ZNRF1: variants seen among roughly 807,000 people sequenced by gnomAD.
The protein encoded by ZNRF1 is zinc and ring finger 1, also known as E3 ubiquitin-protein ligase ZNRF1.
In ZNRF1, 3 loss-of-function variants were observed where a neutral mutation model predicts 18.4. The observed-to-expected ratio is 0.16, with a 90% confidence interval of 0.07 to 0.42. The LOEUF is 0.42. Among genes scored for constraint, ZNRF1 ranks in the 10% least tolerant of loss-of-function variants. ZNRF1 has a pLI of 0.99. For missense variants in ZNRF1, 310 were observed against 329.8 expected, an observed-to-expected ratio of 0.94 and a Z score of 0.47; for synonymous variants, 157 against 144.2, an observed-to-expected ratio of 1.09 and a Z score of -0.64.
chr16:75,027,688 C>G (rs910119111), intron 1 of ZNRF1, among the ~76,000 whole-genome samples: 1 of 152,162 alleles, frequency 6.6e-6, no homozygotes, highest in African/African-American at 2.4e-5. Flanking sequence ...TTTGCCTTGT[C>G]ACACTTGCTT....
intron 1 of ZNRF1, among the ~76,000 whole-genome samples, chr16:75,067,774 A>G (rs2035823266): frequency 6.6e-6 from 1 of 152,204 alleles, no homozygotes; most frequent in African/African-American, 2.4e-5. Flanking sequence ...CATTAACTGG[A>G]TCTGCACAGA....
intron 1 of ZNRF1, among the ~76,000 whole-genome samples, chr16:75,032,188 C>T (rs1328453757): frequency 2.8e-5 from 4 of 143,098 alleles, no homozygotes; most frequent in Non-Finnish European, 6.0e-5. Flanking sequence ...CAGCTTACTA[C>T]ACCCTCCGTC....
intron 1 of ZNRF1, among the ~76,000 whole-genome samples, chr16:75,057,180 C>A (rs117601275): frequency 6.6e-6 from 1 of 152,180 alleles, no homozygotes; most frequent in Non-Finnish European, 1.5e-5. Flanking sequence ...CCCACCCTGC[C>A]GTCCTGCTGC....
chr16:75,083,402 A>C (rs1440253429), intron 1 of ZNRF1, among the ~76,000 whole-genome samples: 2 of 152,232 alleles, frequency 1.3e-5, no homozygotes, highest in Non-Finnish European at 2.9e-5. Flanking sequence ...TCTGATGCCT[A>C]GTCTGATTCT....
At chr16:75,070,150 G>T (rs1031063641) in intron 1 of ZNRF1, among the ~76,000 whole-genome samples, 1 of 152,278 alleles carries the variant, frequency 6.6e-6, no homozygotes, top group African/African-American at 2.4e-5. Context: ...GGGTTGACCA[G>T]ATGTCCCTTC....
chr16:75,091,155 T>TCAA (rs2036133910), intron 1 of ZNRF1, among the ~76,000 whole-genome samples: 2 of 152,146 alleles, frequency 1.3e-5, no homozygotes, highest in East Asian at 1.9e-4. Flanking sequence ...GGTCAGGCAT[T>TCAA]TGAGACCAGT....
intron 2 of ZNRF1, chr16:75,095,092 T>C (rs1172971505): frequency 6.5e-6 from 1 of 152,734 alleles, no homozygotes; most frequent in Non-Finnish European, 1.5e-5. Flanking sequence ...AACTGACTAA[T>C]GGCGTCCACT....
chr16:75,012,221 C>T (rs767274266), intron 1 of ZNRF1, among the ~76,000 whole-genome samples: 2 of 152,214 alleles, frequency 1.3e-5, no homozygotes, highest in South Asian at 2.1e-4. Flanking sequence ...AGCCTGTGCT[C>T]AGTGAATTGC....
intron 1 of ZNRF1, among the ~76,000 whole-genome samples, chr16:75,054,481 C>T (rs1298284613): frequency 6.6e-6 from 1 of 152,168 alleles, no homozygotes; most frequent in African/African-American, 2.4e-5. Context: ...ATTCTCTGGG[C>T]AGATTTCTCC....
At chr16:75,093,088 A>G (rs914918728) in intron 1 of ZNRF1, among the ~76,000 whole-genome samples, 1 of 152,180 alleles carries the variant, frequency 6.6e-6, no homozygotes, top group African/African-American at 2.4e-5. Context: ...AAAGGCTGCA[A>G]TAAAAGGCAA....
At chr16:75,088,354 G>A (rs2036098187) in intron 1 of ZNRF1, among the ~76,000 whole-genome samples, 1 of 152,064 alleles carries the variant, frequency 6.6e-6, no homozygotes, top group African/African-American at 2.4e-5. Context: ...CATTTAAAAG[G>A]TCATCTGCAG....
chr16:75,039,913 T>G (rs8045908), intron 1 of ZNRF1, among the ~76,000 whole-genome samples: 61,590 of 152,016 alleles, frequency 0.41, 15,033 homozygotes, highest in Non-Finnish European at 0.55. Context: ...GGATATTGGT[T>G]GTTACTGTTT....
chr16:75,064,132 C>G (rs1276579344), intron 1 of ZNRF1, among the ~76,000 whole-genome samples: 1 of 151,736 alleles, frequency 6.6e-6, no homozygotes, highest in East Asian at 1.9e-4. Context: ...AACCCCATCT[C>G]TACCAAAAAT....
intron 1 of ZNRF1, among the ~76,000 whole-genome samples, chr16:75,012,582 C>T (rs2035013058): frequency 6.6e-6 from 1 of 152,274 alleles, no homozygotes; most frequent in African/African-American, 2.4e-5. Context: ...CCCAGTCAGC[C>T]TCCTTGTGGC....
chr16:75,085,864 T>C (rs1442398430), intron 1 of ZNRF1, among the ~76,000 whole-genome samples: 2 of 148,476 alleles, frequency 1.3e-5, no homozygotes, highest in African/African-American at 5.2e-5. Context: ...TATAAGAAAC[T>C]GGCTTACATG....
intron 1 of ZNRF1, among the ~76,000 whole-genome samples, chr16:75,001,512 A>T (rs1002625256): frequency 6.6e-6 from 1 of 152,194 alleles, no homozygotes; most frequent in East Asian, 1.9e-4. Flanking sequence ...GCAGGACATG[A>T]TTGCCTTTGG....
intron 2 of ZNRF1, among the ~76,000 whole-genome samples, chr16:75,096,664 T>G (rs2036203790): frequency 6.6e-6 from 1 of 152,216 alleles, no homozygotes; most frequent in South Asian, 2.1e-4. Context: ...TTTCTGTGGT[T>G]GTTGGCACCA....
intron 1 of ZNRF1, among the ~76,000 whole-genome samples, chr16:75,013,641 G>C (rs1208051012): frequency 6.6e-6 from 1 of 151,878 alleles, no homozygotes; most frequent in African/African-American, 2.4e-5. Context: ...CACCGCGCCA[G>C]GCCTGTCCAT....
intron 1 of ZNRF1, among the ~76,000 whole-genome samples, chr16:75,017,693 C>G (rs2035090113): frequency 6.6e-6 from 1 of 152,120 alleles, no homozygotes; most frequent in South Asian, 2.1e-4. Context: ...CTTATGTGAA[C>G]AGAAATAAAT....
Sources: allele counts gnomAD v4.1 joint callset (sites outside exome capture counted in the v4.1 genomes callset), GRCh38; gene constraint gnomAD v4.1.1; transcripts MANE v1.5; gene names NCBI Gene and HGNC (gene_info 2026-07-23, HGNC 2026-07-21).